Variants in ADPRH observed in about 807,000 individuals in gnomAD.
ADPRH encodes ADP-ribosylarginine hydrolase.
Under a neutral mutation model 28.8 loss-of-function variants are expected in ADPRH, and 27 were observed. That is an observed-to-expected ratio of 0.94 (90% CI 0.69 to 1.29). The LOEUF (loss-of-function observed/expected upper bound fraction) is 1.29, where lower values mean the gene tolerates loss of function less well. ADPRH is among the 50% of genes most tolerant of loss of function. ADPRH has a pLI of 0.00. For missense variants in ADPRH, 419 were observed against 444.8 expected, an observed-to-expected ratio of 0.94 and a Z score of 0.52; for synonymous variants, 161 against 166.9, an observed-to-expected ratio of 0.96 and a Z score of 0.27.
chr3:119,587,531 C>A lies in ADPRH; in HGVS notation c.727C>A (p.Pro243Thr). The A allele has an allele frequency of 6.2e-7, 1 of 1,605,816 alleles. No individual in the cohort carries two copies. Among genetic ancestry groups the A allele is most frequent in the Non-Finnish European group, 8.5e-7 (1 of 1,175,518 alleles). ...AGGGATTTTGGATGGAGAATCAGCC[C>A]CTACCTTCCCTGAGTCTTTCGGTGT... ...LRGILDGESA[P>T]TFPESFGVKE... is the part of the protein sequence containing the mutation. The change falls in exon 5 of 5, where the codon CCT becomes ACT. Residue 243 changes from proline (P) to threonine (T), a missense_variant. Transcript: ENST00000357003.
Position 119,582,476 on chromosome 3 carries a change from A to G in ADPRH, c.298+9A>G, listed in dbSNP as rs780903455. 6.2e-7 allele frequency: 1 copy of G among 1,607,518 alleles called. No homozygotes were observed. Among genetic ancestry groups the G allele is most frequent in the Non-Finnish European group, 8.5e-7 (1 of 1,174,916 alleles). ...GGATGGGCGGGCACCAGGTGAGCACAGCCGGTGGGAGGTGCAAGGAGGGCA... is the reference window on the plus strand; with the variant it reads ...GGATGGGCGGGCACCAGGTGAGCACGGCCGGTGGGAGGTGCAAGGAGGGCA... On this transcript the variant is annotated intron_variant, in intron 3 of 4. Transcript: ENST00000357003.
chr3:119,584,413 A>G (rs1223096527), intron 3 of ADPRH, among the ~76,000 whole-genome samples: 2 of 152,114 alleles, frequency 1.3e-5, no homozygotes, highest in Non-Finnish European at 2.9e-5. Flanking sequence ...AAATTAAAAA[A>G]TTAGCTGGGT....
chr3:119,584,934 T>G (rs1417773265), intron 3 of ADPRH, among the ~76,000 whole-genome samples: 1 of 152,156 alleles, frequency 6.6e-6, no homozygotes, highest in Non-Finnish European at 1.5e-5. Context: ...GTGTTTGCAT[T>G]CCTCTTCATG....
Position 119,586,550 on chromosome 3 carries a change from C to G in ADPRH, c.564C>G (p.Pro188=). The G allele has an allele frequency of 6.2e-7, 1 of 1,614,180 alleles. No individual in the cohort carries two copies. Among genetic ancestry groups the G allele is most frequent in the Non-Finnish European group, 8.5e-7 (1 of 1,180,014 alleles). ...FTAYAVNSRP[P]LQWGKGLMEL... ...CCTATGCTGTGAATAGCAGACCACC[C>G]TTGCAGTGGGGAAAAGGACTGATGG... is the stretch of plus-strand genomic sequence containing the variant. Residue 188 remains proline, a synonymous_variant, in exon 4 of 5, where the codon CCC becomes CCG. Coordinates refer to ENST00000357003, the MANE Select transcript of ADPRH (RefSeq NM_001125.4).
Position 119,587,750 on chromosome 3 carries a change from G to A in ADPRH, c.946G>A (p.Val316Ile), listed in dbSNP as rs1431990014. ...TGCCATTGCTGGCTGCTGGTGGGGA[G>A]TTATGTATGGTTTTAAAGGAGTGAG... ...TAAIAGCWWGVMYGFKGVSPS... is the reference protein window; with the variant it reads ...TAAIAGCWWGIMYGFKGVSPS... The change falls in exon 5 of 5, where the codon GTT (valine) becomes ATT (isoleucine). Residue 316 changes from valine to isoleucine, a missense_variant. Coordinates refer to ENST00000357003, the MANE Select transcript of ADPRH (RefSeq NM_001125.4). 2 of 1,614,184 alleles carry A rather than the reference G, an allele frequency of 1.2e-6. No homozygotes were observed. The highest frequency in any genetic ancestry group is 1.7e-6 in the Non-Finnish European group (2 of 1,180,034).
At position 119,587,676 on chromosome 3, in the gene ADPRH, A is replaced by AGCTT; in HGVS notation, c.875_878dup (p.His294CysfsTer12). 6.2e-7 allele frequency: 1 copy of AGCTT among 1,614,108 alleles called. No individual in the cohort carries two copies. Among genetic ancestry groups the AGCTT allele is most frequent in the Non-Finnish European group, 8.5e-7 (1 of 1,180,002 alleles). On this transcript the variant is annotated frameshift_variant, in exon 5 of 5. Transcript: ENST00000357003. LOFTEE classifies it high-confidence loss of function. ...CTTGCTGCAGGAGACTCCTGGAAGG[A>AGCTT]GCTTGCCCACCGAGCCTTTTTCCAT...
In ADPRH at chr3:119,582,141, C is replaced by T. The variant is rs371536198; in HGVS notation, c.-29C>T. On this transcript the variant is annotated 5_prime_UTR_variant, in exon 3 of 5. Transcript: ENST00000357003. ...CTTAATTTCCCCACAAAGACACCCT[C>T]TCCAGAGCCCAGCAATTGTGAGGGA... 14 of 1,543,252 alleles carry T rather than the reference C, an allele frequency of 9.1e-6. No individual in the cohort carries two copies. In the South Asian group the frequency reaches 1.1e-4, roughly 12 times the overall value.
chr3:119,587,685 A>G lies in ADPRH; in HGVS notation c.881A>G (p.His294Arg). 3.1e-6 allele frequency: 5 copies of G among 1,614,200 alleles called. No individual in the cohort carries two copies. Among genetic ancestry groups the G allele is most frequent in the Non-Finnish European group, 4.2e-6 (5 of 1,180,030 alleles). Residue 294 changes from histidine to arginine, a missense_variant, in exon 5 of 5, where the codon CAC (histidine) becomes CGC (arginine). Physicochemically the swap from His to Arg is conservative, Grantham distance 29. Transcript: ENST00000357003. ...AAGDSWKELA[H>R]RAFFHGGDSD... is the part of the protein sequence containing the mutation. ...GGAGACTCCTGGAAGGAGCTTGCCC[A>G]CCGAGCCTTTTTCCATGGTGGAGAC...
chr3:119,585,375 G>A (rs978786779), intron 3 of ADPRH, among the ~76,000 whole-genome samples: 3 of 152,136 alleles, frequency 2.0e-5, no homozygotes, highest in Admixed American at 1.3e-4. Flanking sequence ...GCCTGCTTAC[G>A]TCACTGTCAC....
intron 4 of ADPRH, among the ~76,000 whole-genome samples, chr3:119,587,209 A>C (rs1161291582): frequency 7.9e-5 from 12 of 152,318 alleles, no homozygotes; most frequent in African/African-American, 2.9e-4. Context: ...TGTATTTCTT[A>C]CCCTTTAACT....
In ADPRH at chr3:119,585,734, A is replaced by G. The variant is rs145136997; in HGVS notation, c.299-551A>G. On this transcript the variant is annotated intron_variant, in intron 3 of 4. Transcript: ENST00000357003. Reference sequence around the variant, plus strand: ...CCGGCTAGTTTTTTGTATTTTTAGTAGAGACGGAGTTTCACCGTGTTAGCC... The same window carrying G: ...CCGGCTAGTTTTTTGTATTTTTAGTGGAGACGGAGTTTCACCGTGTTAGCC... 1.1e-3 allele frequency among the ~76,000 whole-genome samples: 168 copies of G among 152,192 alleles called. 2 individuals are homozygous for G. In the East Asian group the frequency reaches 0.031, roughly 28 times the overall value.
chr3:119,581,836 T>C (rs1202907117), intron 2 of ADPRH, among the ~76,000 whole-genome samples: 2 of 152,206 alleles, frequency 1.3e-5, no homozygotes, highest in Non-Finnish European at 2.9e-5. Context: ...GTTATGATGA[T>C]AGACTTTGGA....
intron 3 of ADPRH, among the ~76,000 whole-genome samples, chr3:119,584,883 A>G (rs975289458): frequency 2.0e-5 from 3 of 152,088 alleles, no homozygotes; most frequent in African/African-American, 4.8e-5. Context: ...GTGTCCTCAC[A>G]TGGTCTTTCC....
At chr3:119,582,561 G>C in intron 3 of ADPRH, 94 bp downstream of exon 3, 2 of 1,309,772 alleles carry the variant, frequency 1.5e-6, no homozygotes, top group Non-Finnish European at 1.1e-6. Flanking sequence ...AAATAACAGA[G>C]ACAATAGTGT....
intron 2 of ADPRH, among the ~76,000 whole-genome samples, chr3:119,581,561 A>T (rs2082405106): frequency 6.6e-6 from 1 of 152,136 alleles, no homozygotes; most frequent in Non-Finnish European, 1.5e-5. Flanking sequence ...GGGTTCCAGT[A>T]CTTCCACTCC....
chr3:119,586,683 G>T (rs2082464996), intron 4 of ADPRH, 38 bp downstream of exon 4: 1 of 1,602,954 alleles, frequency 6.2e-7, no homozygotes, highest in South Asian at 1.1e-5. Context: ...AAACACGGTT[G>T]AATCTGTGCG....
chr3:119,582,222 G>C lies in ADPRH; in HGVS notation c.53G>C (p.Gly18Ala). 1 of 1,614,146 alleles carries C rather than the reference G, an allele frequency of 6.2e-7. No individual in the cohort carries two copies. Among genetic ancestry groups the C allele is most frequent in the African/African-American group, 1.3e-5 (1 of 75,058 alleles). The change falls in exon 3 of 5, where the codon GGG becomes GCG. Residue 18 changes from glycine to alanine, a missense_variant. Gly to Ala is a moderately conservative substitution (Grantham distance 60). Coordinates refer to ENST00000357003, the MANE Select transcript of ADPRH (RefSeq NM_001125.4). ...CTGAGTGCAGCTGGAGATGCCCTGG[G>C]GTACTACAATGGGAAGTGGGAGTTC... ...MVLSAAGDALGYYNGKWEFLQ... is the reference protein window; with the variant it reads ...MVLSAAGDALAYYNGKWEFLQ...
Position 119,589,272 on chromosome 3 carries a change from G to A in ADPRH, c.*1394G>A, listed in dbSNP as rs1047373915. ...CCCAGCACATGTCCACCTGGGAAAT[G>A]AGATGCCATCGTCACATTCATTTGG... On this transcript the variant is annotated 3_prime_UTR_variant, in exon 5 of 5. Coordinates refer to ENST00000357003, the MANE Select transcript of ADPRH (RefSeq NM_001125.4). The A allele has an allele frequency of 6.6e-6, 1 of 152,360 alleles. No homozygotes were observed. The highest frequency in any genetic ancestry group is 2.4e-5 in the African/African-American group (1 of 41,476). The allele number at this position is 152,360 out of a possible 1,614,324, so 9.4% of individuals were successfully genotyped here.
chr3:119,583,929 C>A (rs2082432926), intron 3 of ADPRH, among the ~76,000 whole-genome samples: 1 of 152,024 alleles, frequency 6.6e-6, no homozygotes, highest in Non-Finnish European at 1.5e-5. Context: ...AGGCACGCAC[C>A]ACCACGTCTG....
Sources: allele counts gnomAD v4.1 joint callset (sites outside exome capture counted in the v4.1 genomes callset), GRCh38; gene constraint gnomAD v4.1.1; transcripts MANE v1.5; gene names NCBI Gene and HGNC (gene_info 2026-07-23, HGNC 2026-07-21).